The following ZBP1 variants were observed in gnomAD, a reference collection of about 807,000 sequenced individuals.
ZBP1 encodes Z-DNA binding protein 1.
Under a neutral mutation model 41.1 loss-of-function variants are expected in ZBP1, and 42 were observed. The observed-to-expected ratio is 1.02, with a 90% confidence interval of 0.80 to 1.32. The LOEUF (loss-of-function observed/expected upper bound fraction) is 1.32. Ranked by LOEUF, ZBP1 falls within the 40% of genes most tolerant of loss-of-function variation. ZBP1 has a pLI of 0.00. For missense variants in ZBP1, 562 were observed against 549.7 expected, an observed-to-expected ratio of 1.02 and a Z score of -0.22; for synonymous variants, 214 against 205.2, an observed-to-expected ratio of 1.04 and a Z score of -0.37.
chr20:57,605,398 T>A (rs952222312), intron 7 of ZBP1, among the ~76,000 whole-genome samples: 3 of 152,256 alleles, frequency 2.0e-5, no homozygotes, highest in African/African-American at 7.2e-5. Flanking sequence ...CTCACAATAT[T>A]TCACACTTTT....
chr20:57,611,776 G>A lies in ZBP1; in HGVS notation c.825C>T (p.His275=), dbSNP rs370372910. The A allele has an allele frequency of 5.8e-5, 93 of 1,612,680 alleles. No individual in the cohort carries two copies. The highest frequency in any genetic ancestry group is 1.1e-4 in the African/African-American group (8 of 75,036). Residue 275 remains histidine (H), a synonymous_variant, in exon 6 of 8, where the codon CAC becomes CAT. Coordinates refer to ENST00000371173, the MANE Select transcript of ZBP1 (RefSeq NM_030776.3). ...GGGCAGGGCCCTCGGACGGGACGCCGTGGAGCCTCATCTCATTGCTGTGTC... is the reference window on the plus strand; with the variant it reads ...GGGCAGGGCCCTCGGACGGGACGCCATGGAGCCTCATCTCATTGCTGTGTC... ...QLGHSNEMRL[H]GVPSEGPAHI... is the part of the protein sequence containing the mutation.
At position 57,610,952 on chromosome 20, in the gene ZBP1, C is replaced by T. The variant is rs760494310; in HGVS notation, c.875-585G>A. 8.7e-4 allele frequency among the ~76,000 whole-genome samples: 133 copies of T among 152,152 alleles called. 1 individual carries two copies. The highest frequency in any genetic ancestry group is 1.7e-3 in the Non-Finnish European group (113 of 68,016). On this transcript the variant is annotated intron_variant, in intron 6 of 7. Coordinates refer to ENST00000371173, the MANE Select transcript of ZBP1 (RefSeq NM_030776.3). The surrounding 1 kb of genome is among the most constrained non-coding windows in gnomAD (Gnocchi z 5.5). ...GGCCCCTCTCTGGAGACTCCTTTCCCGGGGCCTCTGCTTTCCTCCTCCCTC... is the reference window on the plus strand; with the variant it reads ...GGCCCCTCTCTGGAGACTCCTTTCCTGGGGCCTCTGCTTTCCTCCTCCCTC...
chr20:57,616,472 G>C lies in ZBP1; in HGVS notation c.35-4C>G. On this transcript the variant is annotated splice_region_variant and splice_polypyrimidine_tract_variant and intron_variant, in intron 1 of 7. Coordinates refer to ENST00000371173, the MANE Select transcript of ZBP1 (RefSeq NM_030776.3). ...AGGATTCTTTGTTCAAGGTGGCCTG[G>C]GGGAGCGAGCGGGGGACAGAGAGGG... 2 of 1,612,964 alleles carry C rather than the reference G, an allele frequency of 1.2e-6. No individual in the cohort carries two copies. The highest frequency in any genetic ancestry group is 1.7e-6 in the Non-Finnish European group (2 of 1,179,804).
chr20:57,610,767 C>T lies in ZBP1; in HGVS notation c.875-400G>A. 1.0e-5 allele frequency: 3 copies of T among 288,600 alleles called. No individual in the cohort carries two copies. In the South Asian group the frequency reaches 1.1e-4, roughly 11 times the overall value. 17.9% of individuals were successfully genotyped at this position (288,600 alleles called of 1,614,324 possible). A position where few individuals can be genotyped will look rare whatever the true frequency, so the allele number is the denominator to read the frequency against. On this transcript the variant is annotated intron_variant, in intron 6 of 7. Coordinates refer to ENST00000371173, the MANE Select transcript of ZBP1 (RefSeq NM_030776.3). This position sits in a 1 kb window ranked among gnomAD's most constrained non-coding sequence, Gnocchi z 5.5. The stretch of plus-strand genomic sequence containing the variant: ...CCCCAGCTCCTGCCATCTGGCTCTG[C>T]CCTTTCCCACCCAAACTTCTGAAGA...
At chr20:57,607,013 T>C (rs984056569) in intron 7 of ZBP1, 13 of 1,265,442 alleles carry the variant, frequency 1.0e-5, no homozygotes, top group Non-Finnish European at 1.2e-5. Context: ...TAGCACAGCA[T>C]CCATTCTGCA....
chr20:57,615,604 AG>A, intron 2 of ZBP1, 24 bp from the exon 3 acceptor site: 1 of 1,607,152 alleles, frequency 6.2e-7, no homozygotes, highest in South Asian at 1.1e-5. Flanking sequence ...GATGGGTCAG[AG>A]GGGTGGGGGA....
At chr20:57,612,243 T>C (rs1336982217) in intron 5 of ZBP1, among the ~76,000 whole-genome samples, 1 of 152,146 alleles carries the variant, frequency 6.6e-6, no homozygotes, top group Non-Finnish European at 1.5e-5. Flanking sequence ...TCTCGTTTGG[T>C]GCCAACACCA....
intron 1 of ZBP1, 172 bp downstream of exon 1, chr20:57,620,090 C>T (rs1001733055): frequency 2.8e-6 from 2 of 724,928 alleles, no homozygotes; most frequent in Admixed American, 2.6e-5. Context: ...ACCTACCTCG[C>T]CTCCCAAAGT....
In ZBP1 at chr20:57,613,079, C is replaced by G. The variant is rs1352245272; in HGVS notation, c.670+84G>C. 24 of 1,576,692 alleles carry G rather than the reference C, an allele frequency of 1.5e-5. No homozygotes were observed. The highest frequency in any genetic ancestry group is 2.0e-5 in the Non-Finnish European group (23 of 1,160,184). On this transcript the variant is annotated intron_variant, in intron 5 of 7. Transcript: ENST00000371173. The surrounding 1 kb of genome is among the most constrained non-coding windows in gnomAD (Gnocchi z 4.5). ...CTTGGAGGGCAGAATCCCCCCACTCCCCATCCCTACCCTTTGCCCCCACCC... is the reference window on the plus strand; with the variant it reads ...CTTGGAGGGCAGAATCCCCCCACTCGCCATCCCTACCCTTTGCCCCCACCC...
intron 5 of ZBP1, among the ~76,000 whole-genome samples, 198 bp from the exon 6 acceptor site, chr20:57,612,128 CG>C (rs1221460908): frequency 1.3e-5 from 2 of 152,032 alleles, no homozygotes; most frequent in Non-Finnish European, 2.9e-5. Flanking sequence ...TTCTCAGGAG[CG>C]GGGCTGGTCC....
Position 57,611,718 on chromosome 20 carries a change from C to A in ZBP1, c.874+9G>T, listed in dbSNP as rs552617280. ...GCAGAGTTGGGTCTGGCCTCTAGAT[C>A]CCAGTTACCTGGGGGGCTGCCAGGG... On this transcript the variant is annotated intron_variant, in intron 6 of 7. Coordinates refer to ENST00000371173, the MANE Select transcript of ZBP1 (RefSeq NM_030776.3). The A allele has an allele frequency of 1.9e-6, 3 of 1,604,240 alleles. No homozygotes were observed. In the South Asian group the frequency reaches 3.4e-5, roughly 18 times the overall value.
Position 57,615,217 on chromosome 20 carries a change from G to A in ZBP1, c.329-157C>T, listed in dbSNP as rs540908893. On this transcript the variant is annotated intron_variant, in intron 3 of 7. Coordinates refer to ENST00000371173, the MANE Select transcript of ZBP1 (RefSeq NM_030776.3). ...GATAACGGGGTCATCATGACGCACC[G>A]CAGAGGTGCCCTGAGGGTGGGGGAT... 6.9e-4 allele frequency: 578 copies of A among 831,876 alleles called. 1 individual carries two copies. The highest frequency in any genetic ancestry group is 1.0e-3 in the Non-Finnish European group (543 of 526,486). 51.5% of individuals were successfully genotyped at this position (831,876 alleles called of 1,614,324 possible).
chr20:57,618,611 G>A (rs933054334), intron 1 of ZBP1, among the ~76,000 whole-genome samples: 19 of 152,138 alleles, frequency 1.2e-4, no homozygotes, highest in East Asian at 1.9e-4. Context: ...ATGGAATTTC[G>A]TTCTTGTTGC....
At chr20:57,616,492 A>G in intron 1 of ZBP1, 24 bp from the exon 2 acceptor site, 1 of 1,611,328 alleles carries the variant, frequency 6.2e-7, no homozygotes, top group South Asian at 1.1e-5. Flanking sequence ...CGGGGGACAG[A>G]GAGGGGAACT....
At chr20:57,607,004 A>G in intron 7 of ZBP1, 1 of 1,253,948 alleles carries the variant, frequency 8.0e-7, no homozygotes, top group Non-Finnish European at 1.0e-6. Flanking sequence ...CATGCCTGCT[A>G]GCACAGCATC....
intron 7 of ZBP1, among the ~76,000 whole-genome samples, chr20:57,609,535 C>G (rs1430149145): frequency 6.6e-6 from 1 of 151,774 alleles, no homozygotes; most frequent in Non-Finnish European, 1.5e-5. Flanking sequence ...CCCTCTCTCG[C>G]CCCTCTGCTT....
In ZBP1 at chr20:57,620,307, C is replaced by G; in HGVS notation, c.-12G>C. On this transcript the variant is annotated 5_prime_UTR_variant, in exon 1 of 8. Coordinates refer to ENST00000371173, the MANE Select transcript of ZBP1 (RefSeq NM_030776.3). The stretch of plus-strand genomic sequence containing the variant: ...GGAGCCTGGGCCATGCTGACAGCAG[C>G]TGCAAGGAGTCGGAGAGACTTGGCA... 4 of 1,594,766 alleles carry G rather than the reference C, an allele frequency of 2.5e-6. No individual in the cohort carries two copies. The highest frequency in any genetic ancestry group is 3.4e-6 in the Non-Finnish European group (4 of 1,170,136).
In ZBP1 at chr20:57,619,408, C is replaced by T. The variant is rs112042846; in HGVS notation, c.34+854G>A. 6.2e-3 allele frequency among the ~76,000 whole-genome samples: 940 copies of T among 152,268 alleles called. 16 individuals are homozygous for T. The highest frequency in any genetic ancestry group is 0.021 in the African/African-American group (890 of 41,540). On this transcript the variant is annotated intron_variant, in intron 1 of 7. Transcript: ENST00000371173. ...TGGTGAGGATTAAAAACAAAACAAA[C>T]ACATCCCCCAAACCGCAAAACCACA...
chr20:57,610,729 G>A lies in ZBP1; in HGVS notation c.875-362C>T, dbSNP rs995321815. On this transcript the variant is annotated intron_variant, in intron 6 of 7. Transcript: ENST00000371173. The surrounding 1 kb of genome is among the most constrained non-coding windows in gnomAD (Gnocchi z 5.5). ...CACTTTTGGTTGAAATCTTATGGGG[G>A]CTCCCAGCCTGGCCCCAGCTCCTGC... is the stretch of plus-strand genomic sequence containing the variant. 1 of 325,256 alleles carries A rather than the reference G, an allele frequency of 3.1e-6. No homozygotes were observed. Among genetic ancestry groups the A allele is most frequent in the East Asian group, 7.4e-5 (1 of 13,566 alleles). The allele number at this position is 325,256 out of a possible 1,614,324, so 20.1% of individuals were successfully genotyped here. A position where few individuals can be genotyped will look rare whatever the true frequency, so the allele number is the denominator to read the frequency against.
Sources: allele counts gnomAD v4.1 joint callset (sites outside exome capture counted in the v4.1 genomes callset), GRCh38; gene constraint gnomAD v4.1.1; non-coding constraint Gnocchi (gnomAD v3.1); transcripts MANE v1.5; gene names NCBI Gene and HGNC (gene_info 2026-07-23, HGNC 2026-07-21).